The following SMG6 variants were observed in gnomAD, a reference collection of about 807,000 sequenced individuals.
SMG6 encodes telomerase-binding protein EST1A.
In SMG6, 66 loss-of-function variants were observed where a neutral mutation model predicts 142.2. The ratio of observed to expected loss-of-function variants is 0.46; its 90% confidence interval spans 0.38 to 0.57. The LOEUF is 0.57. Among genes scored for constraint, SMG6 ranks in the 20% least tolerant of loss-of-function variants. The pLI, the probability that SMG6 is intolerant of heterozygous loss-of-function variation, is 0.00. For missense variants in SMG6, 1,793 were observed against 1,832.0 expected (o/e 0.98, Z 0.39); for synonymous variants, 779 against 702.4 (o/e 1.11, Z -1.72).
At chr17:2,262,789 C>T (rs965085096) in intron 8 of SMG6, among the ~76,000 whole-genome samples, 1 of 152,138 alleles carries the variant, frequency 6.6e-6, no homozygotes, top group Admixed American at 6.6e-5. Flanking sequence ...ACATCACTTA[C>T]TTTTCTGTGT....
rs1163058517 is a variant in SMG6 at position 2,061,412 on chromosome 17, G to T, written c.*80C>A. 6 of 1,385,052 alleles carry T rather than the reference G, an allele frequency of 4.3e-6. No homozygotes were observed. Among genetic ancestry groups the T allele is most frequent in the Non-Finnish European group, 5.9e-6 (6 of 1,021,576 alleles). 85.8% of individuals were successfully genotyped at this position (1,385,052 alleles called of 1,614,324 possible). A position where few individuals can be genotyped will look rare whatever the true frequency, so the allele number is the denominator to read the frequency against. On this transcript the variant is annotated 3_prime_UTR_variant, in exon 19 of 19. Coordinates refer to ENST00000263073, the MANE Select transcript of SMG6 (RefSeq NM_017575.5). ...GGGTGGATTGGTGGCTCAGGCACGTGGGCATCTTCCGTGCTACACTGGGCG... is the reference window on the plus strand; with the variant it reads ...GGGTGGATTGGTGGCTCAGGCACGTTGGCATCTTCCGTGCTACACTGGGCG...
At chr17:2,255,534 T>A (rs1013829684) in intron 8 of SMG6, among the ~76,000 whole-genome samples, 7 of 151,796 alleles carry the variant, frequency 4.6e-5, no homozygotes, top group African/African-American at 1.7e-4. Context: ...AACTTAGGGT[T>A]TTGGCCAGCT....
intron 12 of SMG6, 101 bp from the exon 13 acceptor site, chr17:2,172,960 G>C (rs2071551168): frequency 1.7e-6 from 2 of 1,147,552 alleles, no homozygotes; most frequent in South Asian, 2.8e-5. Flanking sequence ...AGCAAATGTT[G>C]TCTAGGCTGG....
At chr17:2,102,765 G>T (rs1159380506) in intron 13 of SMG6, among the ~76,000 whole-genome samples, 1 of 151,984 alleles carries the variant, frequency 6.6e-6, no homozygotes, top group Admixed American at 6.6e-5. Context: ...TTTCTCCCAT[G>T]GAACTGACGC....
intron 13 of SMG6, among the ~76,000 whole-genome samples, chr17:2,104,601 T>G (rs1170123953): frequency 6.6e-6 from 1 of 151,424 alleles, no homozygotes; most frequent in Non-Finnish European, 1.5e-5. Context: ...GCATCTTACT[T>G]CCTCTGCAAT....
At chr17:2,194,568 C>A (rs983937739) in intron 10 of SMG6, among the ~76,000 whole-genome samples, 1 of 151,960 alleles carries the variant, frequency 6.6e-6, no homozygotes, top group South Asian at 2.1e-4. Flanking sequence ...TCAAAAGAGG[C>A]CAGGAATGGT....
chr17:2,298,752 T>G (rs2075201378), intron 2 of SMG6, among the ~76,000 whole-genome samples, 154 bp downstream of exon 2: 1 of 151,626 alleles, frequency 6.6e-6, no homozygotes, highest in African/African-American at 2.4e-5. Context: ...AAATAAAACT[T>G]CTGTTCTGTT....
At chr17:2,208,119 A>C (rs1191705966) in intron 10 of SMG6, among the ~76,000 whole-genome samples, 1 of 152,058 alleles carries the variant, frequency 6.6e-6, no homozygotes, top group Non-Finnish European at 1.5e-5. Context: ...ACAGAGGGAG[A>C]CCGTGTCTCT....
chr17:2,168,371 C>T (rs567841894), intron 13 of SMG6, among the ~76,000 whole-genome samples: 4 of 151,834 alleles, frequency 2.6e-5, no homozygotes, highest in East Asian at 2.0e-4. Context: ...TTAGTAGAGA[C>T]GGGATTTCAC....
intron 8 of SMG6, among the ~76,000 whole-genome samples, chr17:2,249,446 C>A (rs1281618783): frequency 6.6e-6 from 1 of 152,118 alleles, no homozygotes; most frequent in African/African-American, 2.4e-5. Flanking sequence ...AGGCGCATAC[C>A]AATGTGCAGG....
chr17:2,287,685 G>GGT (rs2074937606), intron 6 of SMG6, among the ~76,000 whole-genome samples: 1 of 152,074 alleles, frequency 6.6e-6, no homozygotes, highest in Non-Finnish European at 1.5e-5. Flanking sequence ...TATAAAATGT[G>GGT]GTATATATAC....
chr17:2,280,651 G>C, intron 8 of SMG6: 2 of 902,304 alleles, frequency 2.2e-6, no homozygotes, highest in Non-Finnish European at 2.7e-6. Context: ...AAGGGTAATA[G>C]TTACCCAAGG....
In SMG6 at chr17:2,230,664, C is replaced by G. The variant is rs372082788; in HGVS notation, c.2869+5828G>C. Among the ~76,000 whole-genome samples, 143 of 152,300 alleles carry G rather than the reference C, an allele frequency of 9.4e-4. 3 individuals are homozygous for G. The South Asian group carries it at 0.029, about 31-fold the overall frequency. ...ATACTCACTTCTCTTCAGGGAACTACAGGCAGATCCACAGGCAGAGAGTGC... is the reference window on the plus strand; with the variant it reads ...ATACTCACTTCTCTTCAGGGAACTAGAGGCAGATCCACAGGCAGAGAGTGC... On this transcript the variant is annotated intron_variant, in intron 10 of 18. Transcript: ENST00000263073.
At chr17:2,094,271 A>T (rs1347152351) in intron 13 of SMG6, among the ~76,000 whole-genome samples, 1 of 151,990 alleles carries the variant, frequency 6.6e-6, no homozygotes, top group Non-Finnish European at 1.5e-5. Flanking sequence ...TTTTTCTGAG[A>T]TGGAGTCTGG....
intron 8 of SMG6, among the ~76,000 whole-genome samples, chr17:2,246,051 T>G (rs975959967): frequency 6.6e-6 from 1 of 152,102 alleles, no homozygotes; most frequent in African/African-American, 2.4e-5. Context: ...ATTTAAGCAT[T>G]AAAGAAGCCA....
At chr17:2,111,729 T>C (rs1355853551) in intron 13 of SMG6, among the ~76,000 whole-genome samples, 1 of 152,162 alleles carries the variant, frequency 6.6e-6, no homozygotes, top group Non-Finnish European at 1.5e-5. Flanking sequence ...GCGGGTTTCT[T>C]GGGTGGTGGC....
intron 2 of SMG6, among the ~76,000 whole-genome samples, chr17:2,298,588 G>A (rs1257861498): frequency 6.6e-6 from 1 of 151,918 alleles, no homozygotes. Flanking sequence ...TGTGGTGGCA[G>A]GCGCCTGTAG....
intron 3 of SMG6, 109 bp downstream of exon 3, chr17:2,297,754 T>A (rs2075175171): frequency 2.3e-6 from 3 of 1,324,378 alleles, no homozygotes; most frequent in Non-Finnish European, 3.1e-6. Context: ...AAAGGGCAGT[T>A]TTTTTGTCGA....
Position 2,230,305 on chromosome 17 carries a change from C to CAAA in SMG6, c.2869+6184_2869+6186dup, listed in dbSNP as rs869124628. On this transcript the variant is annotated intron_variant, in intron 10 of 18. Transcript: ENST00000263073. ...CCTTCAGAATAAGTCCATGTCGGGG[C>CAAA]AAAAAAAAAAAAAAAAAAAAAAAAA... 3.7e-4 allele frequency among the ~76,000 whole-genome samples: 6 copies of CAAA among 16,274 alleles called. 1 individual carries two copies. The highest frequency in any genetic ancestry group is 7.8e-4 in the African/African-American group (3 of 3,836). 10.7% of individuals were successfully genotyped at this position (16,274 alleles called of 152,430 possible). A position where few individuals can be genotyped will look rare whatever the true frequency, so the allele number is the denominator to read the frequency against.
Sources: allele counts gnomAD v4.1 joint callset (sites outside exome capture counted in the v4.1 genomes callset), GRCh38; gene constraint gnomAD v4.1.1; transcripts MANE v1.5; gene names NCBI Gene and HGNC (gene_info 2026-07-23, HGNC 2026-07-21).